Variants in DCTN5 observed in about 807,000 individuals in gnomAD.
DCTN5 encodes dynactin subunit 5, also known as dynactin 4.
A neutral mutation model predicts 23.5 loss-of-function variants in DCTN5; 14 were observed. The observed-to-expected ratio is 0.60, with a 90% CI of 0.39 to 0.93. The LOEUF (loss-of-function observed/expected upper bound fraction) is 0.93, where lower values mean the gene tolerates loss of function less well. Ranked by LOEUF, DCTN5 falls within the 40% of genes least tolerant of loss-of-function variation. DCTN5 has a pLI of 0.00. For missense variants in DCTN5, 156 were observed against 225.9 expected (o/e 0.69, Z 1.98); for synonymous variants, 67 against 79.6 (o/e 0.84, Z 0.84).
intron 2 of DCTN5, among the ~76,000 whole-genome samples, chr16:23,652,021 T>A (rs1213387369): frequency 6.6e-6 from 1 of 152,018 alleles, no homozygotes; most frequent in Non-Finnish European, 1.5e-5. Context: ...AGCAACAGAG[T>A]AAGACTCCAT....
chr16:23,656,213 C>T (rs938840314), intron 2 of DCTN5, among the ~76,000 whole-genome samples: 1 of 152,098 alleles, frequency 6.6e-6, no homozygotes, highest in African/African-American at 2.4e-5. Context: ...GGTGACAGAG[C>T]GAGACCCTGT....
In DCTN5 at chr16:23,665,731, A is replaced by C; in HGVS notation, c.451+3A>C. Reference sequence around the variant, plus strand: ...CACTGTCTTCTCAGGCTGCCCAGGTAACCTTGGCTGTTGATTAATTTTATT... The same window carrying C: ...CACTGTCTTCTCAGGCTGCCCAGGTCACCTTGGCTGTTGATTAATTTTATT... On this transcript the variant is annotated splice_donor_region_variant and intron_variant, in intron 5 of 5. Coordinates refer to ENST00000300087, the MANE Select transcript of DCTN5 (RefSeq NM_032486.4). 6.2e-7 allele frequency: 1 copy of C among 1,609,152 alleles called. No homozygotes were observed. The highest frequency in any genetic ancestry group is 8.5e-7 in the Non-Finnish European group (1 of 1,176,836).
Position 23,669,416 on chromosome 16 carries a change from A to T in DCTN5, c.*2272A>T, listed in dbSNP as rs566417531. 1 of 152,360 alleles carries T rather than the reference A, an allele frequency of 6.6e-6. No homozygotes were observed. Among genetic ancestry groups the T allele is most frequent in the Non-Finnish European group, 1.5e-5 (1 of 68,098 alleles). 9.4% of individuals were successfully genotyped at this position (152,360 alleles called of 1,614,324 possible). On this transcript the variant is annotated 3_prime_UTR_variant, in exon 6 of 6. Transcript: ENST00000300087. ...TGTGGCCCCACAGCACCAGTTATTGATAAAAAGAGCTCCCCTTTGCTGACA... is the reference window on the plus strand; with the variant it reads ...TGTGGCCCCACAGCACCAGTTATTGTTAAAAAGAGCTCCCCTTTGCTGACA...
rs1448662869 is a variant in DCTN5 at position 23,650,856 on chromosome 16, A to G, written c.118-7651A>G. The G allele has an allele frequency of 2.8e-6, 4 of 1,443,852 alleles. No individual in the cohort carries two copies. The African/African-American group carries it at 4.2e-5, about 15-fold the overall frequency. 89.4% of individuals were successfully genotyped at this position (1,443,852 alleles called of 1,614,324 possible). ...GAGTCAGTAAGACTGAGTGTGAACA[A>G]TAGAGAGTGGTGGGGCCTGGTGAAT... On this transcript the variant is annotated intron_variant, in intron 2 of 5. Coordinates refer to ENST00000300087, the MANE Select transcript of DCTN5 (RefSeq NM_032486.4).
chr16:23,666,783 A>G, intron 5 of DCTN5: 1 of 504,112 alleles, frequency 2.0e-6, no homozygotes, highest in Non-Finnish European at 3.5e-6. Flanking sequence ...TCGGGGAGGC[A>G]TTTGGCCATT....
intron 4 of DCTN5, among the ~76,000 whole-genome samples, chr16:23,664,073 G>A (rs1383815204): frequency 6.6e-6 from 1 of 152,194 alleles, no homozygotes; most frequent in Non-Finnish European, 1.5e-5. Flanking sequence ...TGAGTTAGTA[G>A]GAGCTTAGTC....
intron 2 of DCTN5, among the ~76,000 whole-genome samples, chr16:23,649,378 T>C (rs1319845293): frequency 3.9e-5 from 6 of 152,226 alleles, no homozygotes; most frequent in Admixed American, 3.9e-4. Context: ...TTGTTTCCTA[T>C]GCTGTGCAGG....
rs1968052952 is a variant in DCTN5 at position 23,673,960 on chromosome 16, G to A, written c.*6816G>A. The A allele has an allele frequency of 6.6e-6, 1 of 152,160 alleles. No homozygotes were observed. The allele number at this position is 152,160 out of a possible 1,614,324, so 9.4% of individuals were successfully genotyped here. ...TGCATTTTTTTTGAGTGGGTCAATT[G>A]GACTCTAAGACCAACAAGATAAAAA... On this transcript the variant is annotated 3_prime_UTR_variant, in exon 6 of 6. Transcript: ENST00000300087.
At chr16:23,642,407 T>G (rs1039046714) in intron 1 of DCTN5, among the ~76,000 whole-genome samples, 2 of 152,250 alleles carry the variant, frequency 1.3e-5, no homozygotes, top group Non-Finnish European at 2.9e-5. Context: ...AAGTGGGATT[T>G]GAATCCGCGT....
At chr16:23,645,129 ATATATATATT>A (rs1206283187) in intron 2 of DCTN5, among the ~76,000 whole-genome samples, 2 of 23,788 alleles carry the variant, frequency 8.4e-5, no homozygotes, top group African/African-American at 4.3e-4. Flanking sequence ...ATATATATAT[ATATATATATT>A]TTTTTTTTTT....
chr16:23,644,208 A>G (rs911851277), intron 2 of DCTN5, among the ~76,000 whole-genome samples: 1 of 151,818 alleles, frequency 6.6e-6, no homozygotes, highest in African/African-American at 2.4e-5. Flanking sequence ...GCTCACTGCA[A>G]CTTCCACCTC....
chr16:23,657,581 C>T (rs924768744), intron 2 of DCTN5: 13 of 316,274 alleles, frequency 4.1e-5, no homozygotes, highest in Non-Finnish European at 8.2e-5. Flanking sequence ...GCTGGGATTA[C>T]TGCAGGTACT....
At chr16:23,644,378 G>GGA (rs1239673631) in intron 2 of DCTN5, among the ~76,000 whole-genome samples, 1 of 141,132 alleles carries the variant, frequency 7.1e-6, no homozygotes, top group African/African-American at 2.7e-5. Context: ...TTGGCTCACT[G>GGA]TAAGCTCCGC....
intron 3 of DCTN5, among the ~76,000 whole-genome samples, 162 bp downstream of exon 3, chr16:23,658,787 C>A (rs918551615): frequency 4.6e-5 from 7 of 152,164 alleles, no homozygotes; most frequent in Admixed American, 6.5e-5. Context: ...TTGTCTCAGT[C>A]TGGTTGATGA....
chr16:23,662,601 A>C (rs774811049), intron 4 of DCTN5, among the ~76,000 whole-genome samples: 2 of 152,230 alleles, frequency 1.3e-5, no homozygotes, highest in Non-Finnish European at 2.9e-5. Flanking sequence ...GATAAGACTC[A>C]GACCCTGAAA....
chr16:23,656,290 ACTTC>A (rs1967702144), intron 2 of DCTN5, among the ~76,000 whole-genome samples: 1 of 152,224 alleles, frequency 6.6e-6, no homozygotes, highest in Admixed American at 6.5e-5. Context: ...AAACTCCAGT[ACTTC>A]CTTAATACCA....
intron 4 of DCTN5, among the ~76,000 whole-genome samples, chr16:23,664,670 T>G (rs916026469): frequency 5.9e-5 from 9 of 152,218 alleles, no homozygotes; most frequent in African/African-American, 2.2e-4. Flanking sequence ...CAGACCTTAT[T>G]TCTTGCTCTC....
chr16:23,641,724 C>T (rs892589347), intron 1 of DCTN5, 134 bp downstream of exon 1: 11 of 886,788 alleles, frequency 1.2e-5, no homozygotes, highest in Admixed American at 2.2e-5. Context: ...TCTAGCGATG[C>T]CCCGTGTACC....
chr16:23,650,537 G>T (rs1967580539), intron 2 of DCTN5, among the ~76,000 whole-genome samples: 1 of 150,236 alleles, frequency 6.7e-6, no homozygotes, highest in African/African-American at 2.5e-5. Context: ...TGTTGGCCAG[G>T]ATGGTCTTGA....
Sources: gnomAD v4.1 joint callset for allele counts (sites outside exome capture counted in the v4.1 genomes callset) on GRCh38, gnomAD v4.1.1 for gene constraint, MANE v1.5 for transcripts, NCBI Gene and HGNC (gene_info 2026-07-23, HGNC 2026-07-21) for gene names.